WWOX: variants seen among roughly 807,000 people sequenced by gnomAD.
WWOX encodes WW domain containing oxidoreductase, also known as WW domain-containing oxidoreductase.
In WWOX, 69 loss-of-function variants were observed where a neutral mutation model predicts 46.2. The observed-to-expected ratio is 1.49, with a 90% confidence interval of 1.23 to 1.82. WWOX has a LOEUF of 1.82. Ranked by LOEUF, WWOX falls within the 40% of genes most tolerant of loss-of-function variation. The probability of loss-of-function intolerance (pLI) is 0.00; values close to 1 mark genes in which losing one functional copy is unlikely to be tolerated. For missense variants in WWOX, 919 were observed against 542.6 expected (o/e 1.69, Z -6.89); for synonymous variants, 359 against 202.6 (o/e 1.77, Z -6.56).
intron 8 of WWOX, among the ~76,000 whole-genome samples, chr16:78,619,200 T>G (rs1346525190): frequency 2.2e-5 from 1 of 44,546 alleles, no homozygotes; most frequent in Non-Finnish European, 3.8e-5. Context: ...TATATATATA[T>G]ATATATATAT....
chr16:78,507,015 C>T (rs996315070), intron 8 of WWOX, among the ~76,000 whole-genome samples: 1 of 152,138 alleles, frequency 6.6e-6, no homozygotes, highest in African/African-American at 2.4e-5. Flanking sequence ...TGCACGACCT[C>T]AGGGTCCCTT....
At chr16:78,266,831 C>CT (rs2079375556) in intron 5 of WWOX, among the ~76,000 whole-genome samples, 34 of 65,988 alleles carry the variant, frequency 5.2e-4, no homozygotes, top group East Asian at 6.2e-4. Context: ...TCTCTGTCTC[C>CT]CTCTCTCCCC....
chr16:78,596,119 A>G (rs1055313875), intron 8 of WWOX, among the ~76,000 whole-genome samples: 3 of 152,172 alleles, frequency 2.0e-5, no homozygotes, highest in African/African-American at 7.2e-5. Context: ...TATACATGGT[A>G]GGACTTATTT....
intron 8 of WWOX, among the ~76,000 whole-genome samples, chr16:78,596,406 A>C (rs944317659): frequency 6.6e-6 from 1 of 151,266 alleles, no homozygotes; most frequent in Admixed American, 6.6e-5. Flanking sequence ...GAGGTAATCC[A>C]GGTCACGGTG....
chr16:78,136,909 G>T (rs1459155524), intron 4 of WWOX, among the ~76,000 whole-genome samples: 1 of 152,118 alleles, frequency 6.6e-6, no homozygotes, highest in Admixed American at 6.5e-5. Flanking sequence ...CCAGACCTTC[G>T]CAGAGGGCAG....
At chr16:78,404,343 G>A (rs970632533) in intron 6 of WWOX, among the ~76,000 whole-genome samples, 2 of 152,136 alleles carry the variant, frequency 1.3e-5, no homozygotes, top group African/African-American at 4.8e-5. Flanking sequence ...CCCTAGGTGT[G>A]AGAGCACAAG....
At chr16:78,859,686 C>A (rs997742083) in intron 8 of WWOX, among the ~76,000 whole-genome samples, 1 of 152,120 alleles carries the variant, frequency 6.6e-6, no homozygotes, top group Non-Finnish European at 1.5e-5. Context: ...GTAATGTACT[C>A]AAAAATTTCT....
chr16:78,128,720 C>G (rs1013275100), intron 4 of WWOX, among the ~76,000 whole-genome samples: 1 of 152,200 alleles, frequency 6.6e-6, no homozygotes, highest in African/African-American at 2.4e-5. Flanking sequence ...AGAGACTCCG[C>G]TGTGTCAGCC....
intron 8 of WWOX, among the ~76,000 whole-genome samples, chr16:78,956,382 T>C (rs2046167165): frequency 6.6e-6 from 1 of 152,142 alleles, no homozygotes; most frequent in Non-Finnish European, 1.5e-5. Flanking sequence ...CTCTAACTCC[T>C]GACCTCAAGT....
chr16:78,228,728 A>T (rs2037151553), intron 5 of WWOX, among the ~76,000 whole-genome samples: 1 of 152,188 alleles, frequency 6.6e-6, no homozygotes, highest in Non-Finnish European at 1.5e-5. Context: ...TTTCTGGTGA[A>T]CATCATTAGT....
intron 8 of WWOX, among the ~76,000 whole-genome samples, chr16:78,905,084 T>TG (rs2044927487): frequency 6.6e-5 from 10 of 152,150 alleles, no homozygotes; most frequent in Admixed American, 6.5e-4. Flanking sequence ...CTTGTATTCT[T>TG]GGGGTCACTT....
intron 8 of WWOX, among the ~76,000 whole-genome samples, chr16:78,674,714 A>T (rs778549063): frequency 6.6e-6 from 1 of 152,242 alleles, no homozygotes; most frequent in Non-Finnish European, 1.5e-5. Flanking sequence ...AAAAATAAAC[A>T]AGAACAAATG....
intron 8 of WWOX, among the ~76,000 whole-genome samples, chr16:79,072,456 T>C (rs1414773266): frequency 6.6e-6 from 1 of 152,200 alleles, no homozygotes; most frequent in East Asian, 1.9e-4. Flanking sequence ...CAACATAGAC[T>C]TGAAGATTCA....
chr16:78,209,307 G>GTAT (rs1375635408), intron 5 of WWOX, among the ~76,000 whole-genome samples: 10 of 152,192 alleles, frequency 6.6e-5, no homozygotes, highest in Non-Finnish European at 1.3e-4. Flanking sequence ...AAGGGAATGG[G>GTAT]TATTAGGCTG....
At chr16:78,352,166 G>A (rs940453095) in intron 5 of WWOX, among the ~76,000 whole-genome samples, 1 of 152,168 alleles carries the variant, frequency 6.6e-6, no homozygotes, top group African/African-American at 2.4e-5. Flanking sequence ...GCCAGACCTT[G>A]GCTTCTCTGT....
At chr16:78,960,586 A>G (rs2046253530) in intron 8 of WWOX, among the ~76,000 whole-genome samples, 3 of 152,232 alleles carry the variant, frequency 2.0e-5, no homozygotes, top group Non-Finnish European at 1.5e-5. Context: ...ACTGTCAGGC[A>G]TGGAACAGAT....
At chr16:78,457,895 G>A (rs1050841058) in intron 8 of WWOX, among the ~76,000 whole-genome samples, 6 of 125,488 alleles carry the variant, frequency 4.8e-5, no homozygotes, top group Admixed American at 2.4e-4. Context: ...CAGCCTGAGC[G>A]TGAGACTCTG....
At chr16:78,301,403 C>G (rs995644516) in intron 5 of WWOX, among the ~76,000 whole-genome samples, 3 of 152,182 alleles carry the variant, frequency 2.0e-5, no homozygotes, top group Non-Finnish European at 4.4e-5. Context: ...TATCGGCTAC[C>G]AAGGTTTTCT....
At chr16:78,556,653 T>C (rs2044304310) in intron 8 of WWOX, among the ~76,000 whole-genome samples, 2 of 152,122 alleles carry the variant, frequency 1.3e-5, no homozygotes, top group South Asian at 4.2e-4. Context: ...TACCGGTGTG[T>C]GATTTTGCAC....
Sources: allele counts gnomAD v4.1 joint callset (sites outside exome capture counted in the v4.1 genomes callset), GRCh38; gene constraint gnomAD v4.1.1; transcripts MANE v1.5; gene names NCBI Gene and HGNC (gene_info 2026-07-23, HGNC 2026-07-21).